Variants in VEGFC observed in about 807,000 individuals in gnomAD.
VEGFC encodes the protein FLT4 ligand DHM.
A neutral mutation model predicts 46.1 loss-of-function variants in VEGFC; 12 were observed. The observed-to-expected ratio is 0.26, with a 90% CI of 0.17 to 0.42. VEGFC has a LOEUF of 0.42. Among genes scored for constraint, VEGFC ranks in the 10% least tolerant of loss-of-function variants. The pLI is 1.00. For missense variants in VEGFC, 488 were observed against 529.4 expected (o/e 0.92, Z 0.77); for synonymous variants, 232 against 195.5 (o/e 1.19, Z -1.56).
chr4:176,785,863 T>C (rs973463943), intron 1 of VEGFC, among the ~76,000 whole-genome samples: 11 of 152,222 alleles, frequency 7.2e-5, no homozygotes. Context: ...TATCTAAGCA[T>C]GACCACTGTT....
Position 176,688,089 on chromosome 4 carries a change from C to T in VEGFC, c.705-162G>A, listed in dbSNP as rs558383078. Among the ~76,000 whole-genome samples the T allele has an allele frequency of 3.9e-5, 6 of 152,324 alleles. No individual in the cohort carries two copies. In the South Asian group the frequency reaches 1.0e-3, roughly 26 times the overall value. ...TTTTCTCCCAAACTCTCTCTACCCA[C>T]AACTGCTATAAAATTCCAATCCCAG... On this transcript the variant is annotated intron_variant, in intron 4 of 6. Coordinates refer to ENST00000618562, the MANE Select transcript of VEGFC (RefSeq NM_005429.5).
chr4:176,787,066 T>C (rs1736016121), intron 1 of VEGFC, among the ~76,000 whole-genome samples: 1 of 152,116 alleles, frequency 6.6e-6, no homozygotes, highest in African/African-American at 2.4e-5. Flanking sequence ...TACATTACTA[T>C]TTTCCCAGTG....
At position 176,792,323 on chromosome 4, in the gene VEGFC, C is replaced by G; in HGVS notation, c.-12G>C. ...CCCAGCAAGTGCATGGTGGAAGGACCGGGGGTGGGGGACCGGTCCGCTGGC... is the reference window on the plus strand; with the variant it reads ...CCCAGCAAGTGCATGGTGGAAGGACGGGGGGTGGGGGACCGGTCCGCTGGC... On this transcript the variant is annotated 5_prime_UTR_variant, in exon 1 of 7. Transcript: ENST00000618562. The surrounding 1 kb of genome is among the most constrained non-coding windows in gnomAD (Gnocchi z 6.3). The G allele has an allele frequency of 1.7e-6, 2 of 1,149,254 alleles. No homozygotes were observed. The highest frequency in any genetic ancestry group is 2.3e-6 in the Non-Finnish European group (2 of 869,828). 71.2% of individuals were successfully genotyped at this position (1,149,254 alleles called of 1,614,324 possible). A position where few individuals can be genotyped will look rare whatever the true frequency, so the allele number is the denominator to read the frequency against.
At chr4:176,787,530 C>T (rs992356092) in intron 1 of VEGFC, among the ~76,000 whole-genome samples, 3 of 150,114 alleles carry the variant, frequency 2.0e-5, no homozygotes, top group African/African-American at 4.9e-5. Flanking sequence ...AAAAAACTAT[C>T]GTGGATAACT....
chr4:176,777,803 C>CGGG (rs1339361732), intron 1 of VEGFC, among the ~76,000 whole-genome samples: 4 of 151,500 alleles, frequency 2.6e-5, no homozygotes, highest in African/African-American at 7.3e-5. Flanking sequence ...CCCGTAGTCC[C>CGGG]TGCTACTCGG....
intron 4 of VEGFC, among the ~76,000 whole-genome samples, chr4:176,697,089 C>T (rs1734329865): frequency 6.6e-6 from 1 of 151,984 alleles, no homozygotes; most frequent in Admixed American, 6.6e-5. Context: ...GACTTCACGT[C>T]TAAAACACCA....
intron 4 of VEGFC, among the ~76,000 whole-genome samples, chr4:176,697,829 T>G (rs986281955): frequency 8.0e-5 from 12 of 150,338 alleles, no homozygotes; most frequent in African/African-American, 3.0e-4. Context: ...GTTCATGTCC[T>G]TTGTAGGGAC....
At chr4:176,725,031 T>C (rs1328611735) in intron 3 of VEGFC, among the ~76,000 whole-genome samples, 1 of 152,162 alleles carries the variant, frequency 6.6e-6, no homozygotes, top group African/African-American at 2.4e-5. Flanking sequence ...TGAATAACGA[T>C]ATATTGTATA....
intron 1 of VEGFC, among the ~76,000 whole-genome samples, chr4:176,732,785 C>T (rs377445272): frequency 6.6e-6 from 1 of 151,252 alleles, no homozygotes; most frequent in African/African-American, 2.4e-5. Context: ...TTTTCTTACA[C>T]TTAATACCAA....
At chr4:176,740,782 A>C (rs1735158309) in intron 1 of VEGFC, among the ~76,000 whole-genome samples, 1 of 151,718 alleles carries the variant, frequency 6.6e-6, no homozygotes, top group South Asian at 2.1e-4. Context: ...AAAGACAAAA[A>C]TCACATTTGT....
intron 1 of VEGFC, among the ~76,000 whole-genome samples, chr4:176,755,796 T>G (rs1355790699): frequency 6.6e-6 from 1 of 152,018 alleles, no homozygotes; most frequent in Admixed American, 6.6e-5. Context: ...TATTACCACA[T>G]TACTGTACAG....
chr4:176,765,656 C>T (rs768413081), intron 1 of VEGFC, among the ~76,000 whole-genome samples: 12 of 150,274 alleles, frequency 8.0e-5, no homozygotes, highest in African/African-American at 1.7e-4. Flanking sequence ...CCTGGGTTCA[C>T]GCCATTCTCC....
chr4:176,713,940 C>T lies in VEGFC; in HGVS notation c.553-2290G>A, dbSNP rs559911631. Reference sequence around the variant, plus strand: ...GAATTGACAGGAGATAACCAGCACCCGATGTGGTTCCAAGGGCTGTGGCAG... The same window carrying T: ...GAATTGACAGGAGATAACCAGCACCTGATGTGGTTCCAAGGGCTGTGGCAG... On this transcript the variant is annotated intron_variant, in intron 3 of 6. Transcript: ENST00000618562. Among the ~76,000 whole-genome samples, 18 of 152,156 alleles carry T rather than the reference C, an allele frequency of 1.2e-4. No homozygotes were observed. In the South Asian group the frequency reaches 3.3e-3, roughly 28 times the overall value.
intron 4 of VEGFC, among the ~76,000 whole-genome samples, chr4:176,696,666 T>C (rs146575291): frequency 0.23 from 34,242 of 150,378 alleles, 6,513 homozygotes; most frequent in African/African-American, 0.53. Flanking sequence ...AAAAAGAGCC[T>C]GCATCACCAA....
At chr4:176,769,010 T>C (rs1422863265) in intron 1 of VEGFC, among the ~76,000 whole-genome samples, 2 of 152,034 alleles carry the variant, frequency 1.3e-5, no homozygotes, top group African/African-American at 2.4e-5. Flanking sequence ...GGCCAGACCT[T>C]TGGGAGATGA....
chr4:176,700,414 A>G (rs963264969), intron 4 of VEGFC, among the ~76,000 whole-genome samples: 6 of 123,114 alleles, frequency 4.9e-5, no homozygotes, highest in Non-Finnish European at 7.9e-5. Flanking sequence ...GAGACTCTCG[A>G]AAAAAAAAAA....
rs1276843076 is a variant in VEGFC at position 176,692,393 on chromosome 4, C to CA, written c.705-4467dup. Among the ~76,000 whole-genome samples, 31 of 126,486 alleles carry CA rather than the reference C, an allele frequency of 2.5e-4. 7 individuals are homozygous for CA. The highest frequency in any genetic ancestry group is 1.2e-3 in the African/African-American group (30 of 24,998). The allele number at this position is 126,486 out of a possible 152,430, so 83.0% of individuals were successfully genotyped here. On this transcript the variant is annotated intron_variant, in intron 4 of 6. Transcript: ENST00000618562. ...TGGGCGACAGAGCGAGACTCCGTCT[C>CA]AAAAACAAACAAACAAACAAACAAA... is the stretch of plus-strand genomic sequence containing the variant.
In VEGFC at chr4:176,792,134, G is replaced by A. The variant is rs115464473; in HGVS notation, c.147+31C>T. ...GCCGCAGACCCTAACGCAAACTCTC[G>A]GGTTCTCCGCAAACCCTAACGCAGA... On this transcript the variant is annotated intron_variant, in intron 1 of 6. Transcript: ENST00000618562. The surrounding 1 kb of genome is among the most constrained non-coding windows in gnomAD (Gnocchi z 6.3). The A allele has an allele frequency of 4.9e-3, 6,971 of 1,433,522 alleles. 98 individuals carry two copies. In the Middle Eastern group the frequency reaches 0.067, roughly 14 times the overall value. The allele number at this position is 1,433,522 out of a possible 1,614,324, so 88.8% of individuals were successfully genotyped here.
intron 1 of VEGFC, among the ~76,000 whole-genome samples, chr4:176,738,924 G>T (rs1409613110): frequency 6.6e-6 from 1 of 151,640 alleles, no homozygotes; most frequent in Non-Finnish European, 1.5e-5. Context: ...TCATTGATGG[G>T]CAATGATTTT....
Sources: allele counts gnomAD v4.1 joint callset (sites outside exome capture counted in the v4.1 genomes callset), GRCh38; gene constraint gnomAD v4.1.1; non-coding constraint Gnocchi (gnomAD v3.1); transcripts MANE v1.5; gene names NCBI Gene and HGNC (gene_info 2026-07-23, HGNC 2026-07-21).